Variants in SASH1 observed in about 807,000 individuals in gnomAD.
The protein encoded by SASH1 is SAM and SH3 domain-containing protein 1.
SASH1 carries 44 observed loss-of-function variants against 125.2 expected under a neutral mutation model. The observed-to-expected ratio is 0.35, with a 90% CI of 0.28 to 0.45. SASH1 has a LOEUF of 0.45. SASH1 is among the 20% of genes least tolerant of loss of function. The pLI, the probability that SASH1 is intolerant of heterozygous loss-of-function variation, is 1.00. For synonymous variants in SASH1, 639 were observed against 649.1 expected (o/e 0.98, Z 0.24); for missense variants, 1,426 against 1,614.5 (o/e 0.88, Z 2.00).
intron 8 of SASH1, chr6:148,508,958 TATG>T (rs1378515604): frequency 3.0e-6 from 2 of 666,790 alleles, no homozygotes; most frequent in East Asian, 6.6e-5. Context: ...TGCTCCTGCC[TATG>T]ATGTTTCTCT....
At chr6:148,496,534 T>C (rs1159920160) in intron 8 of SASH1, among the ~76,000 whole-genome samples, 1 of 152,264 alleles carries the variant, frequency 6.6e-6, no homozygotes, top group Non-Finnish European at 1.5e-5. Flanking sequence ...ATACGATGCA[T>C]GCAGTATTAC....
intron 4 of SASH1, among the ~76,000 whole-genome samples, chr6:148,449,450 C>G (rs1776986732): frequency 6.9e-6 from 1 of 144,206 alleles, no homozygotes; most frequent in South Asian, 2.3e-4. Flanking sequence ...TGCAATGGTG[C>G]AATCTCGGCT....
the SASH1 span, among the ~76,000 whole-genome samples, chr6:148,236,037 C>A: frequency 2.4e-3 from 361 of 152,196 alleles, 2 homozygotes; most frequent in Non-Finnish European, 4.0e-3. Context: ...AAATAATGGT[C>A]TAATACAAGG....
chr6:148,355,647 T>A (rs1781900564), intron 1 of SASH1, among the ~76,000 whole-genome samples: 1 of 152,158 alleles, frequency 6.6e-6, no homozygotes, highest in African/African-American at 2.4e-5. Flanking sequence ...GAAAGCAGGA[T>A]GCCTTCTATA....
chr6:148,467,864 G>A (rs529546303), intron 4 of SASH1, among the ~76,000 whole-genome samples: 1 of 152,278 alleles, frequency 6.6e-6, no homozygotes, highest in East Asian at 1.9e-4. Flanking sequence ...TTGAACCCAG[G>A]AGGCGGAGGT....
rs1785065393 is a variant in SASH1, at chr6:148,421,165, G to GAAAGAAAGAAAGAAAGAAAA, written c.286-19000_286-18999insAAAAGAAAGAAAGAAAGAAA. Among the ~76,000 whole-genome samples the GAAAGAAAGAAAGAAAGAAAA allele has an allele frequency of 8.6e-5, 10 of 116,740 alleles. 1 individual carries two copies. The highest frequency in any genetic ancestry group is 3.2e-4 in the African/African-American group (10 of 31,252). 76.6% of individuals were successfully genotyped at this position (116,740 alleles called of 152,430 possible). ...AGGAAGGAAGAAAGAAAGAAAGAAAGAAAGAAAGAAAGAAAGAAAGAAAGA... is the reference window on the plus strand; with the variant it reads ...AGGAAGGAAGAAAGAAAGAAAGAAAGAAAGAAAGAAAGAAAGAAAAAAAGAAAGAAAGAAAGAAAGAAAGA... On this transcript the variant is annotated intron_variant, in intron 2 of 19. Transcript: ENST00000367467.
At chr6:148,378,218 A>AT (rs1782988262) in intron 1 of SASH1, among the ~76,000 whole-genome samples, 1 of 151,452 alleles carries the variant, frequency 6.6e-6, no homozygotes, top group African/African-American at 2.4e-5. Flanking sequence ...TGCCTGGCTA[A>AT]TTTTTTTGTA....
rs368157760 is a variant in SASH1 at position 148,431,088 on chromosome 6, G to C, written c.286-9096G>C. Among the ~76,000 whole-genome samples, 28 of 152,308 alleles carry C rather than the reference G, an allele frequency of 1.8e-4. 1 individual carries two copies. In the South Asian group the frequency reaches 5.8e-3, roughly 32 times the overall value. On this transcript the variant is annotated intron_variant, in intron 2 of 19. Coordinates refer to ENST00000367467, the MANE Select transcript of SASH1 (RefSeq NM_015278.5). ...CTGGTAGCCCAGGTAGCTGTGAGGCGAAGGACTACAAGTGGAATGGATTCA... is the reference window on the plus strand; with the variant it reads ...CTGGTAGCCCAGGTAGCTGTGAGGCCAAGGACTACAAGTGGAATGGATTCA...
the SASH1 span, among the ~76,000 whole-genome samples, chr6:148,194,831 A>G: frequency 2.0e-3 from 297 of 152,272 alleles, 1 homozygote; most frequent in Middle Eastern, 0.024. Flanking sequence ...GCGTGAACCT[A>G]GGAGGCGGAG....
intron 1 of SASH1, among the ~76,000 whole-genome samples, chr6:148,334,194 G>A (rs1224054487): frequency 2.8e-5 from 4 of 144,970 alleles, no homozygotes; most frequent in South Asian, 2.2e-4. Context: ...GGAGGCCGAG[G>A]CGGGTGGATC....
intron 1 of SASH1, among the ~76,000 whole-genome samples, chr6:148,297,075 G>A (rs1779784570): frequency 6.6e-6 from 1 of 152,194 alleles, no homozygotes; most frequent in African/African-American, 2.4e-5. Flanking sequence ...GGACAGGACT[G>A]CTGCTCTTCC....
At chr6:148,194,860 C>A in the SASH1 span, among the ~76,000 whole-genome samples, 4 of 152,188 alleles carry the variant, frequency 2.6e-5, no homozygotes. Flanking sequence ...GAGCCGAGAT[C>A]GCGCCACTGC....
At position 148,544,097 on chromosome 6, in the gene SASH1, C is replaced by T. The variant is rs1210370498; in HGVS notation, c.2627C>T (p.Ser876Phe). Residue 876 changes from serine (S) to phenylalanine (F), a missense_variant, in exon 18 of 20, where the codon TCC becomes TTC. This residue lies in a region of SASH1 where 634 missense variants were observed against 694.4 expected (regional missense o/e 0.91). Transcript: ENST00000367467. This position sits in a 1 kb window ranked among gnomAD's most constrained non-coding sequence, Gnocchi z 6.4. Reference protein sequence around the residue: ...PEVPQKTTASSTKAQPLEQDS... With the variant: ...PEVPQKTTASFTKAQPLEQDS... Reference sequence around the variant, plus strand: ...GTGCCACAGAAGACGACCGCCTCTTCCACGAAGGCCCAGCCCCTGGAGCAA... The same window carrying T: ...GTGCCACAGAAGACGACCGCCTCTTTCACGAAGGCCCAGCCCCTGGAGCAA... 8 of 1,614,110 alleles carry T rather than the reference C, an allele frequency of 5.0e-6. No individual in the cohort carries two copies. The highest frequency in any genetic ancestry group is 5.9e-6 in the Non-Finnish European group (7 of 1,179,988).
chr6:148,339,326 G>T (rs1781257996), upstream of SASH1, among the ~76,000 whole-genome samples: 1 of 152,006 alleles, frequency 6.6e-6, no homozygotes, highest in Admixed American at 6.6e-5. Flanking sequence ...TTACAGGAAT[G>T]AGTAACCATG....
At chr6:148,424,033 C>T (rs1405725615) in intron 2 of SASH1, among the ~76,000 whole-genome samples, 1 of 151,952 alleles carries the variant, frequency 6.6e-6, no homozygotes. Context: ...AATCCCCATC[C>T]CAGACAGCAG....
intron 1 of SASH1, among the ~76,000 whole-genome samples, chr6:148,368,341 A>G (rs2114734671): frequency 6.6e-6 from 1 of 152,078 alleles, no homozygotes; most frequent in African/African-American, 2.4e-5. Flanking sequence ...CACGATCTCG[A>G]CTCACTGTAA....
chr6:148,307,956 G>T (rs1396500322), intron 1 of SASH1, among the ~76,000 whole-genome samples: 3 of 152,150 alleles, frequency 2.0e-5, no homozygotes, highest in African/African-American at 4.8e-5. Flanking sequence ...CCTAGCAGGA[G>T]ATCTATGGTA....
chr6:148,299,075 GT>G (rs1004774311), intron 1 of SASH1, among the ~76,000 whole-genome samples: 7 of 152,164 alleles, frequency 4.6e-5, no homozygotes, highest in African/African-American at 1.4e-4. Flanking sequence ...GTATATAAAT[GT>G]TTTTGAGTTA....
At chr6:148,443,444 T>TAA (rs1478024336) in intron 4 of SASH1, among the ~76,000 whole-genome samples, 1 of 147,446 alleles carries the variant, frequency 6.8e-6, no homozygotes, top group African/African-American at 2.5e-5. Flanking sequence ...AATATATATA[T>TAA]AATATATATA....
Sources: allele counts gnomAD v4.1 joint callset (sites outside exome capture counted in the v4.1 genomes callset), GRCh38; gene constraint gnomAD v4.1.1; regional missense constraint gnomAD v4.1.1; non-coding constraint Gnocchi (gnomAD v3.1); transcripts MANE v1.5; gene names NCBI Gene and HGNC (gene_info 2026-07-23, HGNC 2026-07-21).